GABRA1: variants seen among roughly 807,000 people sequenced by gnomAD.
GABRA1 encodes gamma-aminobutyric acid receptor subunit alpha-1.
Under a neutral mutation model 48.9 loss-of-function variants are expected in GABRA1, and 9 were observed. That is an observed-to-expected ratio of 0.18 (90% confidence interval 0.11 to 0.32). The LOEUF is 0.32. Ranked by LOEUF, GABRA1 falls within the 10% of genes least tolerant of loss-of-function variation. The pLI is 1.00. For missense variants in GABRA1, 285 were observed against 553.8 expected, an observed-to-expected ratio of 0.51 and a Z score of 4.87; for synonymous variants, 210 against 198.7, an observed-to-expected ratio of 1.06 and a Z score of -0.48.
chr5:161,848,670 A>G, intron 1 of GABRA1: 1 of 256,558 alleles, frequency 3.9e-6, no homozygotes, highest in South Asian at 3.6e-5. Flanking sequence ...TAAGAGCATT[A>G]TTATTATTTT....
intron 3 of GABRA1, among the ~76,000 whole-genome samples, chr5:161,860,377 C>T (rs959996403): frequency 2.0e-5 from 3 of 151,584 alleles, no homozygotes; most frequent in African/African-American, 7.3e-5. Flanking sequence ...TAATCACCTC[C>T]AGTTGCATCC....
At chr5:161,894,749 T>C (rs531970153) in intron 8 of GABRA1, among the ~76,000 whole-genome samples, 6 of 152,296 alleles carry the variant, frequency 3.9e-5, no homozygotes, top group Non-Finnish European at 8.8e-5. Context: ...AGGCTGATAG[T>C]ATTTGGTAAA....
intron 7 of GABRA1, among the ~76,000 whole-genome samples, chr5:161,885,712 G>T (rs1038623393): frequency 6.6e-6 from 1 of 152,126 alleles, no homozygotes; most frequent in Non-Finnish European, 1.5e-5. Flanking sequence ...TTTAGGAAAA[G>T]AATATTTAGT....
intron 3 of GABRA1, 119 bp downstream of exon 3, chr5:161,854,389 A>T (rs1757566069): frequency 1.4e-6 from 1 of 713,074 alleles, no homozygotes; most frequent in African/African-American, 1.7e-5. Flanking sequence ...TTAATGACAA[A>T]TCTATTTTTA....
intron 6 of GABRA1, among the ~76,000 whole-genome samples, chr5:161,876,800 A>G (rs927149199): frequency 2.6e-5 from 4 of 152,160 alleles, no homozygotes; most frequent in African/African-American, 9.7e-5. Flanking sequence ...TATGTGCTAC[A>G]TGTTACTTGC....
At chr5:161,868,596 A>C (rs1352350136) in intron 4 of GABRA1, among the ~76,000 whole-genome samples, 1 of 152,102 alleles carries the variant, frequency 6.6e-6, no homozygotes, top group Non-Finnish European at 1.5e-5. Context: ...TACTCATCTT[A>C]CTACTTATAA....
intron 6 of GABRA1, chr5:161,882,258 C>T (rs867850991): frequency 1.1e-4 from 46 of 416,488 alleles, no homozygotes; most frequent in African/African-American, 8.5e-4. Flanking sequence ...CCCACTGCTA[C>T]AATGCATATT....
rs940312645 is a variant in GABRA1, at chr5:161,856,923, CT to C, written c.187+2662del. Among the ~76,000 whole-genome samples, 535 of 150,156 alleles carry C rather than the reference CT, an allele frequency of 3.6e-3. 1 individual carries two copies. Among genetic ancestry groups the C allele is most frequent in the Non-Finnish European group, 5.7e-3 (381 of 67,014 alleles). ...TGCTATTAAGTTGACATTATTGTGG[CT>C]TTTTTTTTATTTTTGCAGATTTGAA... On this transcript the variant is annotated intron_variant, in intron 3 of 9. Transcript: ENST00000393943.
At chr5:161,872,473 T>C (rs1336349321) in intron 4 of GABRA1, among the ~76,000 whole-genome samples, 1 of 152,178 alleles carries the variant, frequency 6.6e-6, no homozygotes, top group Non-Finnish European at 1.5e-5. Flanking sequence ...TTCTTATTTT[T>C]GTTCTTTTTC....
rs1755502658 is a variant in GABRA1 at position 161,899,091 on chromosome 5, C to T, written c.*1669C>T. ...TTAACAGATATTTAAATTTAGTGCT[C>T]AGAATCCACAAGTCACGGTCTAAAC... On this transcript the variant is annotated 3_prime_UTR_variant, in exon 10 of 10. Coordinates refer to ENST00000393943, the MANE Select transcript of GABRA1 (RefSeq NM_001127644.2). The T allele has an allele frequency of 6.6e-6, 1 of 152,440 alleles. No homozygotes were observed. 9.4% of individuals were successfully genotyped at this position (152,440 alleles called of 1,614,324 possible).
At chr5:161,859,753 A>G (rs1757781159) in intron 3 of GABRA1, among the ~76,000 whole-genome samples, 1 of 151,884 alleles carries the variant, frequency 6.6e-6, no homozygotes. Flanking sequence ...AGAAAACAAA[A>G]TTTCAAAAAA....
chr5:161,893,009 AAATAAT>A lies in GABRA1; in HGVS notation c.856+1995_856+2000del, dbSNP rs60042641. Among the ~76,000 whole-genome samples, 1,058 of 122,406 alleles carry A rather than the reference AAATAAT, an allele frequency of 8.6e-3. 13 individuals carry two copies. The highest frequency in any genetic ancestry group is 0.012 in the Non-Finnish European group (722 of 61,562). 80.3% of individuals were successfully genotyped at this position (122,406 alleles called of 152,430 possible). On this transcript the variant is annotated intron_variant, in intron 8 of 9. Transcript: ENST00000393943. ...AACAGAGCGAGACTCCTTCTCAAAA[AAATAAT>A]AATAATAATAATAATAATAATAATA... is the stretch of plus-strand genomic sequence containing the variant.
At chr5:161,869,627 G>A (rs533783158) in intron 4 of GABRA1, among the ~76,000 whole-genome samples, 1 of 152,284 alleles carries the variant, frequency 6.6e-6, no homozygotes, top group East Asian at 1.9e-4. Context: ...AATACACACA[G>A]ATGGTAATAA....
chr5:161,866,889 C>T (rs1002093015), intron 4 of GABRA1, among the ~76,000 whole-genome samples: 3 of 152,024 alleles, frequency 2.0e-5, no homozygotes, highest in Non-Finnish European at 4.4e-5. Context: ...TAAGAGGTAA[C>T]AGAGTGGTAA....
rs1242463525 is a variant in GABRA1 at position 161,898,356 on chromosome 5, C to G, written c.*934C>G. ...TTGTTGAATGTATTCTTTTATATAA[C>G]TACATTAAAAGCTTTAGATTGAAAT... On this transcript the variant is annotated 3_prime_UTR_variant, in exon 10 of 10. Coordinates refer to ENST00000393943, the MANE Select transcript of GABRA1 (RefSeq NM_001127644.2). The G allele has an allele frequency of 6.6e-6, 1 of 152,424 alleles. No individual in the cohort carries two copies. Among genetic ancestry groups the G allele is most frequent in the Non-Finnish European group, 1.5e-5 (1 of 67,950 alleles). 9.4% of individuals were successfully genotyped at this position (152,424 alleles called of 1,614,324 possible).
chr5:161,865,520 T>C (rs1303308463), intron 3 of GABRA1, among the ~76,000 whole-genome samples: 1 of 152,128 alleles, frequency 6.6e-6, no homozygotes, highest in East Asian at 1.9e-4. Flanking sequence ...AAGTGGCATA[T>C]TTAGGCTTCA....
chr5:161,889,375 T>C (rs1754987809), intron 7 of GABRA1, among the ~76,000 whole-genome samples: 1 of 152,016 alleles, frequency 6.6e-6, no homozygotes. Flanking sequence ...ATACTAAGGG[T>C]AAGAGAGTTT....
rs2113307265 is a variant in GABRA1 at position 161,854,231 on chromosome 5, C to T, written c.148C>T (p.Leu50=). The T allele has an allele frequency of 3.1e-6, 5 of 1,607,566 alleles. No homozygotes were observed. Among genetic ancestry groups the T allele is most frequent in the Non-Finnish European group, 4.3e-6 (5 of 1,174,452 alleles). ...CTTCACCAGGATTTTGGACAGACTC[C>T]TAGATGGTTATGACAATCGCCTGAG... ...TVFTRILDRL[L]DGYDNRLRPG... The change falls in exon 3 of 10, where the codon CTA becomes TTA. Residue 50 remains leucine, a synonymous_variant. Coordinates refer to ENST00000393943, the MANE Select transcript of GABRA1 (RefSeq NM_001127644.2).
chr5:161,853,891 G>A (rs955753491), intron 2 of GABRA1, among the ~76,000 whole-genome samples: 4 of 151,652 alleles, frequency 2.6e-5, no homozygotes, highest in African/African-American at 7.3e-5. Flanking sequence ...GCATTGCAAC[G>A]TAATAAACAT....
Sources: allele counts gnomAD v4.1 joint callset (sites outside exome capture counted in the v4.1 genomes callset), GRCh38; gene constraint gnomAD v4.1.1; transcripts MANE v1.5; gene names NCBI Gene and HGNC (gene_info 2026-07-23, HGNC 2026-07-21).